The following CHODL variants were observed in gnomAD, a reference collection of about 807,000 sequenced individuals.
The protein encoded by CHODL is transmembrane protein MT75.
Under a neutral mutation model 34.5 loss-of-function variants are expected in CHODL, and 29 were observed. That is an observed-to-expected ratio of 0.84 (90% CI 0.63 to 1.15). CHODL has a LOEUF of 1.15. Among genes scored for constraint, CHODL ranks in the 50% most tolerant of loss-of-function variants. CHODL has a pLI of 0.00. For missense variants in CHODL, 332 were observed against 332.5 expected (o/e 1.00, Z 0.01); for synonymous variants, 125 against 116.1 (o/e 1.08, Z -0.49).
intron 2 of CHODL, among the ~76,000 whole-genome samples, chr21:18,126,954 A>G (rs1267726966): frequency 6.6e-6 from 1 of 152,222 alleles, no homozygotes; most frequent in Non-Finnish European, 1.5e-5. Flanking sequence ...CCCTGTGCAG[A>G]TAAATTGATG....
chr21:18,192,141 AGGGAGGATC>A (rs2073518162), intron 2 of CHODL, among the ~76,000 whole-genome samples: 1 of 152,148 alleles, frequency 6.6e-6, no homozygotes, highest in Non-Finnish European at 1.5e-5. Flanking sequence ...GCTTATGGCA[AGGGAGGATC>A]CTTTCTCTGC....
At chr21:18,012,214 C>G (rs1488747512) in intron 1 of CHODL, among the ~76,000 whole-genome samples, 2 of 152,178 alleles carry the variant, frequency 1.3e-5, no homozygotes, top group Non-Finnish European at 2.9e-5. Context: ...TCCCAGACAA[C>G]AAAACTAAAT....
intron 2 of CHODL, among the ~76,000 whole-genome samples, chr21:18,123,897 C>T (rs2065510446): frequency 6.6e-6 from 1 of 152,064 alleles, no homozygotes; most frequent in Non-Finnish European, 1.5e-5. Flanking sequence ...ACTATAAAGC[C>T]TGCAACCCGG....
At chr21:18,136,539 C>T (rs1775325572) in intron 2 of CHODL, among the ~76,000 whole-genome samples, 3 of 151,954 alleles carry the variant, frequency 2.0e-5, no homozygotes, top group Non-Finnish European at 4.4e-5. Flanking sequence ...TTTTATATAC[C>T]TTGCCACTTC....
At chr21:17,983,998 G>C (rs1424740057) in intron 1 of CHODL, among the ~76,000 whole-genome samples, 2 of 151,994 alleles carry the variant, frequency 1.3e-5, no homozygotes, top group African/African-American at 2.4e-5. Flanking sequence ...GTTAACTGTG[G>C]GTACTATGTT....
At chr21:18,039,400 G>A (rs2064348922) in intron 2 of CHODL, among the ~76,000 whole-genome samples, 2 of 151,660 alleles carry the variant, frequency 1.3e-5, no homozygotes, top group Non-Finnish European at 3.0e-5. Context: ...ATCCCATGCT[G>A]TTCTCTAAAT....
intron 2 of CHODL, among the ~76,000 whole-genome samples, chr21:18,203,241 G>A (rs1394770594): frequency 1.3e-5 from 2 of 152,150 alleles, no homozygotes; most frequent in Non-Finnish European, 2.9e-5. Context: ...GCAAAGATCT[G>A]TAGGAACCAT....
At chr21:18,252,807 G>A (rs1315372009) in intron 1 of CHODL, among the ~76,000 whole-genome samples, 2 of 151,906 alleles carry the variant, frequency 1.3e-5, no homozygotes, top group Non-Finnish European at 2.9e-5. Flanking sequence ...TCCAGTTGAC[G>A]GTGGGCTGCT....
intron 1 of CHODL, among the ~76,000 whole-genome samples, chr21:18,003,695 C>T (rs972516747): frequency 6.6e-6 from 1 of 152,000 alleles, no homozygotes; most frequent in Non-Finnish European, 1.5e-5. Context: ...CTGTCTGTCT[C>T]TCTCTCTTTT....
At chr21:18,069,669 T>TA (rs1451160005) in intron 2 of CHODL, among the ~76,000 whole-genome samples, 2 of 152,140 alleles carry the variant, frequency 1.3e-5, no homozygotes, top group Non-Finnish European at 2.9e-5. Context: ...GTTGACTTAG[T>TA]ACATTGTGCA....
chr21:17,926,977 GACAC>G (rs1191930220), intron 1 of CHODL, among the ~76,000 whole-genome samples: 1 of 149,632 alleles, frequency 6.7e-6, no homozygotes, highest in East Asian at 1.9e-4. Context: ...TAAATACACA[GACAC>G]ACACACACAC....
At chr21:18,084,920 A>AGTGT (rs376876845) in intron 2 of CHODL, among the ~76,000 whole-genome samples, 9,011 of 84,976 alleles carry the variant, frequency 0.11, 307 homozygotes, top group Middle Eastern at 0.2. Flanking sequence ...GTCTAGTAAT[A>AGTGT]GTGTGTGTGT....
At chr21:17,921,110 A>G (rs1023871128) in intron 1 of CHODL, among the ~76,000 whole-genome samples, 7 of 152,170 alleles carry the variant, frequency 4.6e-5, no homozygotes, top group African/African-American at 1.7e-4. Context: ...TTATTATAAG[A>G]AATTGTTTCC....
intron 2 of CHODL, 41 bp downstream of exon 2, chr21:18,256,859 A>G: frequency 6.3e-7 from 1 of 1,591,340 alleles, no homozygotes; most frequent in Non-Finnish European, 8.6e-7. Context: ...GCTCTGGGGA[A>G]CTCCAAAGAT....
chr21:18,112,824 A>G (rs1433337232), intron 2 of CHODL, among the ~76,000 whole-genome samples: 6 of 152,214 alleles, frequency 3.9e-5, no homozygotes, highest in Admixed American at 2.6e-4. Flanking sequence ...ACAAGAAAAC[A>G]TTGGGGAAAC....
intron 2 of CHODL, among the ~76,000 whole-genome samples, chr21:18,050,398 C>T (rs772947841): frequency 8.6e-5 from 13 of 151,940 alleles, no homozygotes; most frequent in Non-Finnish European, 1.6e-4. Context: ...TTCTGTTTGA[C>T]AACTCTTACT....
chr21:18,150,268 T>C (rs190833200), intron 2 of CHODL, among the ~76,000 whole-genome samples: 50 of 152,216 alleles, frequency 3.3e-4, no homozygotes, highest in African/African-American at 1.2e-3. Flanking sequence ...GAGGATGGAT[T>C]GTAAATGCTT....
At chr21:17,971,634 C>T (rs1448731937) in intron 1 of CHODL, among the ~76,000 whole-genome samples, 1 of 151,914 alleles carries the variant, frequency 6.6e-6, no homozygotes, top group East Asian at 1.9e-4. Flanking sequence ...TGGATATTAA[C>T]AAGTTCTAAA....
intron 1 of CHODL, among the ~76,000 whole-genome samples, chr21:17,981,639 G>T (rs983358809): frequency 3.3e-5 from 5 of 152,130 alleles, no homozygotes; most frequent in Non-Finnish European, 7.4e-5. Flanking sequence ...CAATGCTGTG[G>T]GTTTGTGAAA....
Sources: gnomAD v4.1 joint callset for allele counts (sites outside exome capture counted in the v4.1 genomes callset) on GRCh38, gnomAD v4.1.1 for gene constraint, MANE v1.5 for transcripts, NCBI Gene and HGNC (gene_info 2026-07-23, HGNC 2026-07-21) for gene names.